The following AMMECR1 variants were observed in gnomAD, a reference collection of about 807,000 sequenced individuals.
AMMECR1 encodes the protein AMMECR nuclear protein 1, also known as nuclear protein AMMECR1.
Under a neutral mutation model 22.5 loss-of-function variants are expected in AMMECR1, and 3 were observed. The ratio of observed to expected loss-of-function variants is 0.13; its 90% confidence interval spans 0.06 to 0.35. The LOEUF (loss-of-function observed/expected upper bound fraction) is 0.35. Ranked by LOEUF, AMMECR1 falls within the 10% of genes least tolerant of loss-of-function variation. The probability of loss-of-function intolerance (pLI) is 1.00; values close to 1 mark genes in which losing one functional copy is unlikely to be tolerated. For missense variants in AMMECR1, 235 were observed against 278.7 expected (o/e 0.84, Z 1.12); for synonymous variants, 130 against 116.7 (o/e 1.11, Z -0.74).
intron 2 of AMMECR1, among the ~76,000 whole-genome samples, chrX:110,330,731 G>T (rs954824328): frequency 2.7e-5 from 3 of 111,276 alleles, no homozygotes; most frequent in Admixed American, 9.5e-5. Context: ...CCACTAACTT[G>T]TCTGAGATTT....
At chrX:110,260,296 C>T (rs1332909514) in intron 2 of AMMECR1, among the ~76,000 whole-genome samples, 2 of 111,653 alleles carry the variant, frequency 1.8e-5, no homozygotes, top group African/African-American at 6.5e-5. Flanking sequence ...TATGTATTTT[C>T]ACAATTGAGA....
chrX:110,394,056 G>T (rs1033601972), intron 2 of AMMECR1, among the ~76,000 whole-genome samples: 1 of 112,271 alleles, frequency 8.9e-6, no homozygotes, highest in Non-Finnish European at 1.9e-5. Context: ...CTTTGCAAAT[G>T]TTTATTCCTT....
chrX:110,252,040 C>T lies in AMMECR1; in HGVS notation c.584+12449G>A, dbSNP rs754384357. 2.9e-4 allele frequency among the ~76,000 whole-genome samples: 32 copies of T among 111,841 alleles called. No homozygotes were observed. The South Asian group carries it at 5.5e-3, about 19-fold the overall frequency. On this transcript the variant is annotated intron_variant, in intron 2 of 5. Transcript: ENST00000262844. The stretch of plus-strand genomic sequence containing the variant: ...TGTACTACAATATAAATATTTACTA[C>T]GTACCTAGTATGTATAAGATACTTC...
chrX:110,265,492 A>C (rs2067763927), intron 1 of AMMECR1, among the ~76,000 whole-genome samples: 1 of 112,121 alleles, frequency 8.9e-6, no homozygotes, highest in African/African-American at 3.2e-5. Flanking sequence ...TTTTAGATGA[A>C]GTTTAATACA....
chrX:110,197,542 C>T lies in AMMECR1; in HGVS notation c.*978G>A, dbSNP rs924330324. On this transcript the variant is annotated 3_prime_UTR_variant, in exon 6 of 6. Transcript: ENST00000262844. ...AAATACTTAAGAGTAAGGAATTTGT[C>T]TAATCTTCTGTTTCACATATAGAAA... The T allele has an allele frequency of 9.0e-5, 10 of 111,250 alleles. No individual in the cohort carries two copies. The allele number at this position is 111,250 out of a possible 1,213,427, so 9.2% of individuals were successfully genotyped here.
chrX:110,344,324 A>C (rs750162024), intron 2 of AMMECR1, among the ~76,000 whole-genome samples: 2 of 112,316 alleles, frequency 1.8e-5, no homozygotes, highest in East Asian at 5.5e-4. Context: ...CTTTCCTTAC[A>C]CCTTATACAA....
chrX:110,436,274 C>T (rs917596612), intron 1 of AMMECR1, among the ~76,000 whole-genome samples: 9 of 111,164 alleles, frequency 8.1e-5, no homozygotes, highest in African/African-American at 1.3e-4. Flanking sequence ...ATTCATTATG[C>T]GACCCAGCTG....
At chrX:110,248,390 AAAAAG>A (rs10596812) in intron 2 of AMMECR1, among the ~76,000 whole-genome samples, 5,411 of 110,145 alleles carry the variant, frequency 0.049, 359 homozygotes, top group African/African-American at 0.17. Context: ...TGTCTCAAAA[AAAAAG>A]AAAAGAAAAG....
At chrX:110,346,908 ATGG>A (rs778801233) in intron 2 of AMMECR1, 2 of 587,052 alleles carry the variant, frequency 3.4e-6, no homozygotes, top group East Asian at 6.7e-5. Flanking sequence ...GAAGCCAGAC[ATGG>A]TGAACGCGGG....
intron 2 of AMMECR1, among the ~76,000 whole-genome samples, chrX:110,413,627 C>T: frequency 9.4e-6 from 1 of 106,237 alleles, no homozygotes; most frequent in South Asian, 4.5e-4. Flanking sequence ...GATCCATGTA[C>T]AGGACACACT....
intron 2 of AMMECR1, among the ~76,000 whole-genome samples, chrX:110,236,597 T>A (rs1430700534): frequency 8.9e-6 from 1 of 112,283 alleles, no homozygotes; most frequent in South Asian, 3.7e-4. Flanking sequence ...TGCTCATTTT[T>A]ACTCACCATT....
chrX:110,210,035 C>A (rs2067439911), intron 3 of AMMECR1, among the ~76,000 whole-genome samples: 1 of 110,898 alleles, frequency 9.0e-6, no homozygotes, highest in African/African-American at 3.3e-5. Flanking sequence ...CAACTTGAGG[C>A]GGCCTGAGAA....
chrX:110,439,333 C>T (rs960262749), intron 1 of AMMECR1, among the ~76,000 whole-genome samples: 1 of 112,249 alleles, frequency 8.9e-6, no homozygotes, highest in Admixed American at 9.4e-5. Context: ...AGGGACCATT[C>T]GTGGGATAGC....
intron 2 of AMMECR1, among the ~76,000 whole-genome samples, chrX:110,336,039 G>A (rs1230419661): frequency 2.7e-5 from 3 of 111,940 alleles, no homozygotes; most frequent in African/African-American, 9.8e-5. Flanking sequence ...GGATGATGAA[G>A]ATCAGTAGCT....
chrX:110,409,749 C>T (rs2068628623), intron 2 of AMMECR1, among the ~76,000 whole-genome samples: 2 of 110,905 alleles, frequency 1.8e-5, no homozygotes, highest in South Asian at 7.8e-4. Context: ...AAAGGAATGG[C>T]TAAAGCCTTC....
Position 110,261,553 on chromosome X carries a change from T to C in AMMECR1, c.584+2936A>G, listed in dbSNP as rs1378439705. ...TAGTCCATGTAGCCAAAGAATACAATTTCCTATCCTACAGTAGTATTGTTT... is the reference window on the plus strand; with the variant it reads ...TAGTCCATGTAGCCAAAGAATACAACTTCCTATCCTACAGTAGTATTGTTT... On this transcript the variant is annotated intron_variant, in intron 2 of 5. Coordinates refer to ENST00000262844, the MANE Select transcript of AMMECR1 (RefSeq NM_015365.3). Among the ~76,000 whole-genome samples, 25 of 111,371 alleles carry C rather than the reference T, an allele frequency of 2.2e-4. No homozygotes were observed. The Admixed American group carries it at 2.4e-3, about 11-fold the overall frequency.
intron 2 of AMMECR1, among the ~76,000 whole-genome samples, chrX:110,251,561 G>A (rs2067686324): frequency 8.9e-6 from 1 of 112,017 alleles, no homozygotes; most frequent in African/African-American, 3.2e-5. Context: ...TAAGGAGAGT[G>A]AGATAGATTT....
At position 110,226,354 on chromosome X, in the gene AMMECR1, C is replaced by T. The variant is rs781731871; in HGVS notation, c.585-9722G>A. 6.7e-3 allele frequency among the ~76,000 whole-genome samples: 746 copies of T among 111,701 alleles called. 7 individuals carry two copies. The highest frequency in any genetic ancestry group is 0.024 in the African/African-American group (723 of 30,678). On this transcript the variant is annotated intron_variant, in intron 2 of 5. Coordinates refer to ENST00000262844, the MANE Select transcript of AMMECR1 (RefSeq NM_015365.3). ...GGCGCAGTGGCTCATGCCTGTAATC[C>T]CAGCACTTTGGGAGGCCAAGGCAGG...
intron 2 of AMMECR1, among the ~76,000 whole-genome samples, chrX:110,406,058 C>T (rs193189755): frequency 8.0e-4 from 89 of 110,892 alleles, no homozygotes; most frequent in African/African-American, 2.8e-3. Context: ...TCTCCACCTC[C>T]ACCCCCGACT....
Sources: gnomAD v4.1 joint callset for allele counts (sites outside exome capture counted in the v4.1 genomes callset) on GRCh38, gnomAD v4.1.1 for gene constraint, MANE v1.5 for transcripts, NCBI Gene and HGNC (gene_info 2026-07-23, HGNC 2026-07-21) for gene names.